Variants in ATG101 observed in about 807,000 individuals in gnomAD.
ATG101 encodes the protein autophagy related 101.
ATG101 carries 6 observed loss-of-function variants against 16.7 expected under a neutral mutation model. The ratio of observed to expected loss-of-function variants is 0.36; its 90% CI spans 0.20 to 0.71. The LOEUF is 0.71. Among genes scored for constraint, ATG101 ranks in the 30% least tolerant of loss-of-function variants. The pLI is 0.57. For synonymous variants in ATG101, 108 were observed against 118.1 expected (o/e 0.91, Z 0.56); for missense variants, 200 against 292.5 (o/e 0.68, Z 2.31).
chr12:52,073,714 C>A lies in ATG101; in HGVS notation c.64C>A (p.Leu22Met). 6.2e-7 allele frequency: 1 copy of A among 1,614,146 alleles called. No individual in the cohort carries two copies. Among genetic ancestry groups the A allele is most frequent in the Non-Finnish European group, 8.5e-7 (1 of 1,180,000 alleles). The change falls in exon 3 of 4, where the codon CTG becomes ATG. Residue 22 changes from leucine to methionine, a missense_variant. Leu to Met is a conservative substitution (Grantham distance 15). Coordinates refer to ENST00000336854, the MANE Select transcript of ATG101 (RefSeq NM_021934.5). ...VEGRQVEEAM[L>M]AVLHTVLLHR... is the part of the protein sequence containing the mutation. ...GGGGCGGCAGGTGGAGGAGGCCATG[C>A]TGGCTGTGCTGCACACGGTGCTTCT...
Position 52,077,407 on chromosome 12 carries a change from GCCCTGGTGGGGTC to G in ATG101, c.*221_*233del. On this transcript the variant is annotated 3_prime_UTR_variant, in exon 4 of 4. Coordinates refer to ENST00000336854, the MANE Select transcript of ATG101 (RefSeq NM_021934.5). ...GTCCTGCCTCTACTGTCTCTCCATA[GCCCTGGTGGGGTC>G]CCCCTTCTTTCTCCACTGTACAGAA... 1 of 598,856 alleles carries G rather than the reference GCCCTGGTGGGGTC, an allele frequency of 1.7e-6. No individual in the cohort carries two copies. The highest frequency in any genetic ancestry group is 2.9e-6 in the Non-Finnish European group (1 of 343,496). 37.1% of individuals were successfully genotyped at this position (598,856 alleles called of 1,614,324 possible).
intron 3 of ATG101, among the ~76,000 whole-genome samples, chr12:52,076,282 G>C (rs1423392866): frequency 6.6e-6 from 1 of 152,182 alleles, no homozygotes; most frequent in Non-Finnish European, 1.5e-5. Flanking sequence ...TAAAGGGGTG[G>C]TGTGGAAGGA....
At chr12:52,069,366 G>A (rs1939600966), upstream of ATG101, 2 of 152,254 alleles carry the variant, frequency 1.3e-5, no homozygotes, top group Non-Finnish European at 1.5e-5. Context: ...GCAACACTGA[G>A]AGATGAAGCC....
chr12:52,071,276 C>T (rs1040593086), intron 2 of ATG101: 1 of 152,130 alleles, frequency 6.6e-6, no homozygotes, highest in African/African-American at 2.4e-5. Flanking sequence ...TTTATATTCA[C>T]CATCTGTCAA....
chr12:52,068,897 A>G (rs1939583969), upstream of ATG101, among the ~76,000 whole-genome samples: 1 of 147,344 alleles, frequency 6.8e-6, no homozygotes, highest in African/African-American at 2.5e-5. Context: ...AGGCTGAGGC[A>G]GGAGAATGAC....
At chr12:52,068,352 CTT>C (rs1227003912), upstream of ATG101, among the ~76,000 whole-genome samples, 4,551 of 143,362 alleles carry the variant, frequency 0.032, 147 homozygotes, top group African/African-American at 0.084. Flanking sequence ...TCACACCCGA[CTT>C]TTTTTTTTTT....
intron 3 of ATG101, among the ~76,000 whole-genome samples, chr12:52,074,653 C>T (rs907852669): frequency 2.0e-5 from 3 of 152,014 alleles, no homozygotes; most frequent in Admixed American, 1.3e-4. Flanking sequence ...CCACCATGCC[C>T]GGCTAATTTT....
At chr12:52,068,352 C>CT (rs1227003912), upstream of ATG101, among the ~76,000 whole-genome samples, 792 of 143,220 alleles carry the variant, frequency 5.5e-3, 1 homozygote, top group African/African-American at 0.012. Flanking sequence ...TCACACCCGA[C>CT]TTTTTTTTTT....
chr12:52,075,328 G>T (rs947628865), intron 3 of ATG101, among the ~76,000 whole-genome samples: 1 of 152,236 alleles, frequency 6.6e-6, no homozygotes, highest in Non-Finnish European at 1.5e-5. Context: ...GTGGTGAAGA[G>T]CATGGGCTTT....
chr12:52,069,967 C>A (rs1939614015), upstream of ATG101: 1 of 152,286 alleles, frequency 6.6e-6, no homozygotes, highest in South Asian at 2.1e-4. Flanking sequence ...GCGCGGGGGG[C>A]GGTGCGGCTT....
chr12:52,076,810 G>A lies in ATG101; in HGVS notation c.277G>A (p.Asp93Asn), dbSNP rs780497965. The change falls in exon 4 of 4, where the codon GAT becomes AAT. Residue 93 changes from aspartate to asparagine, a missense_variant. Coordinates refer to ENST00000336854, the MANE Select transcript of ATG101 (RefSeq NM_021934.5). ...FKDALRNSGG[D>N]GLGQMSLEFY... ...GGATGCACTGCGCAACTCTGGTGGCGATGGGCTGGGGCAGATGTCCTTGGA... is the reference window on the plus strand; with the variant it reads ...GGATGCACTGCGCAACTCTGGTGGCAATGGGCTGGGGCAGATGTCCTTGGA... 6.3e-5 allele frequency: 101 copies of A among 1,614,062 alleles called. 1 individual carries two copies. The highest frequency in any genetic ancestry group is 1.8e-4 in the Admixed American group (11 of 59,998).
In ATG101 at chr12:52,076,779, T is replaced by A; in HGVS notation, c.253-7T>A. 1 of 1,610,830 alleles carries A rather than the reference T, an allele frequency of 6.2e-7. No individual in the cohort carries two copies. The highest frequency in any genetic ancestry group is 8.5e-7 in the Non-Finnish European group (1 of 1,177,268). On this transcript the variant is annotated splice_polypyrimidine_tract_variant and splice_region_variant and intron_variant, in intron 3 of 3. Transcript: ENST00000336854. ...CTTGGCTTGCTCATTCGTTCCCTTC[T>A]TCCCAGGATGCACTGCGCAACTCTG...
Position 52,070,199 on chromosome 12 carries a change from A to G in ATG101, c.-250A>G, listed in dbSNP as rs1299144269. The G allele has an allele frequency of 1.3e-5, 2 of 152,122 alleles. No homozygotes were observed. Among genetic ancestry groups the G allele is most frequent in the African/African-American group, 2.4e-5 (1 of 41,414 alleles). The allele number at this position is 152,122 out of a possible 1,614,324, so 9.4% of individuals were successfully genotyped here. A position where few individuals can be genotyped will look rare whatever the true frequency, so the allele number is the denominator to read the frequency against. On this transcript the variant is annotated 5_prime_UTR_variant, in exon 1 of 4. Transcript: ENST00000336854. ...CTGGGCGCGGGGCGCCGCCCCCGAGACACCCGAGGAGTCCGTTCCTCCCTG... is the reference window on the plus strand; with the variant it reads ...CTGGGCGCGGGGCGCCGCCCCCGAGGCACCCGAGGAGTCCGTTCCTCCCTG...
chr12:52,071,856 A>C (rs1939655487), intron 2 of ATG101, among the ~76,000 whole-genome samples: 1 of 152,210 alleles, frequency 6.6e-6, no homozygotes, highest in South Asian at 2.1e-4. Context: ...AACTTCCTGA[A>C]CATTGACTGG....
rs1321002975 is a variant in ATG101, at chr12:52,076,820, G to T, written c.287G>T (p.Gly96Val). 1 of 1,614,042 alleles carries T rather than the reference G, an allele frequency of 6.2e-7. No individual in the cohort carries two copies. ...ALRNSGGDGL[G>V]QMSLEFYQKK... ...CGCAACTCTGGTGGCGATGGGCTGG[G>T]GCAGATGTCCTTGGAGTTCTACCAG... is the stretch of plus-strand genomic sequence containing the variant. Residue 96 changes from glycine (G) to valine (V), a missense_variant, in exon 4 of 4, where the codon GGG (glycine) becomes GTG (valine). Physicochemically the swap from Gly to Val is moderately radical, Grantham distance 109. Coordinates refer to ENST00000336854, the MANE Select transcript of ATG101 (RefSeq NM_021934.5).
In ATG101 at chr12:52,073,827, C is replaced by T; in HGVS notation, c.177C>T (p.Phe59=). The T allele has an allele frequency of 1.2e-6, 2 of 1,614,242 alleles. No homozygotes were observed. The highest frequency in any genetic ancestry group is 2.2e-5 in the East Asian group (1 of 44,888). ...GCACCCAGGATGTTGACTGTGACTTCATCGACTTCACTTATGTGCGTGTCT... is the reference window on the plus strand; with the variant it reads ...GCACCCAGGATGTTGACTGTGACTTTATCGACTTCACTTATGTGCGTGTCT... ...TVGTQDVDCD[F]IDFTYVRVSS... The change falls in exon 3 of 4, where the codon TTC becomes TTT. Residue 59 remains phenylalanine (F), a synonymous_variant. Coordinates refer to ENST00000336854, the MANE Select transcript of ATG101 (RefSeq NM_021934.5).
Position 52,077,247 on chromosome 12 carries a change from T to C in ATG101, c.*57T>C. 6.4e-7 allele frequency: 1 copy of C among 1,566,554 alleles called. No homozygotes were observed. The highest frequency in any genetic ancestry group is 1.2e-5 in the South Asian group (1 of 85,272). On this transcript the variant is annotated 3_prime_UTR_variant, in exon 4 of 4. Transcript: ENST00000336854. ...GCTCCCAGACCTTGGCTTTTGGGAA[T>C]TGCACTTTTGGGCCTTTGGGCTCTG... is the stretch of plus-strand genomic sequence containing the variant.
intron 2 of ATG101, among the ~76,000 whole-genome samples, chr12:52,072,157 A>G (rs1939660299): frequency 6.6e-6 from 1 of 152,250 alleles, no homozygotes; most frequent in Non-Finnish European, 1.5e-5. Context: ...TAGCTCATTC[A>G]GCCCTCAACC....
At chr12:52,075,470 G>A (rs376207326) in intron 3 of ATG101, among the ~76,000 whole-genome samples, 1 of 152,226 alleles carries the variant, frequency 6.6e-6, no homozygotes, top group East Asian at 1.9e-4. Context: ...TATGCCCAGT[G>A]TTTGGAACAG....
Sources: allele counts gnomAD v4.1 joint callset (sites outside exome capture counted in the v4.1 genomes callset), GRCh38; gene constraint gnomAD v4.1.1; transcripts MANE v1.5; gene names NCBI Gene and HGNC (gene_info 2026-07-23, HGNC 2026-07-21).